The following DIXDC1 variants were observed in gnomAD, a reference collection of about 807,000 sequenced individuals.
The protein encoded by DIXDC1 is dixin.
In DIXDC1, 64 loss-of-function variants were observed where a neutral mutation model predicts 103.1. That is an observed-to-expected ratio of 0.62 (90% CI 0.51 to 0.76). The LOEUF (loss-of-function observed/expected upper bound fraction) is 0.76, where lower values mean the gene tolerates loss of function less well. Among genes scored for constraint, DIXDC1 ranks in the 30% least tolerant of loss-of-function variants. The pLI, the probability that DIXDC1 is intolerant of heterozygous loss-of-function variation, is 0.00. For missense variants in DIXDC1, 759 were observed against 834.2 expected, an observed-to-expected ratio of 0.91 and a Z score of 1.11; for synonymous variants, 266 against 298.5, an observed-to-expected ratio of 0.89 and a Z score of 1.12.
intron 14 of DIXDC1, among the ~76,000 whole-genome samples, chr11:111,994,610 ATATG>A (rs782777263): frequency 3.6e-4 from 53 of 148,674 alleles, no homozygotes; most frequent in Admixed American, 3.3e-4. Flanking sequence ...GTATGTATGT[ATATG>A]TATGTGTATA....
chr11:112,004,804 G>A (rs1861183379), intron 17 of DIXDC1, among the ~76,000 whole-genome samples: 1 of 152,246 alleles, frequency 6.6e-6, no homozygotes, highest in Middle Eastern at 3.4e-3. Context: ...GTGCACTGAA[G>A]GTAACCTTAA....
At chr11:112,013,324 GGGT>G (rs1308810953) in intron 17 of DIXDC1, among the ~76,000 whole-genome samples, 1 of 130,612 alleles carries the variant, frequency 7.7e-6, no homozygotes, top group African/African-American at 3.0e-5. Context: ...CGGGGGGTGG[GGGT>G]GGGGTGGGGG....
intron 17 of DIXDC1, among the ~76,000 whole-genome samples, chr11:112,014,021 G>T (rs1429115917): frequency 1.3e-5 from 2 of 152,024 alleles, no homozygotes; most frequent in Non-Finnish European, 2.9e-5. Flanking sequence ...GGAACTAATG[G>T]GTGAGTACTC....
intron 4 of DIXDC1, 104 bp downstream of exon 4, chr11:111,974,358 A>C (rs1860030565): frequency 8.7e-7 from 1 of 1,152,766 alleles, no homozygotes. Context: ...ACAGCCCCAG[A>C]TTGCAGAAAA....
intron 1 of DIXDC1, among the ~76,000 whole-genome samples, chr11:111,940,405 G>A (rs1555168699): frequency 6.6e-6 from 1 of 152,144 alleles, no homozygotes; most frequent in Admixed American, 6.5e-5. Flanking sequence ...GCTTGGCCAG[G>A]CTTCCTATAG....
intron 17 of DIXDC1, among the ~76,000 whole-genome samples, chr11:112,003,593 GT>G (rs1555176220): frequency 6.6e-6 from 1 of 152,086 alleles, no homozygotes; most frequent in Non-Finnish European, 1.5e-5. Flanking sequence ...GAGGTTAGGG[GT>G]TCAAGACCAG....
chr11:111,948,006 A>T (rs1409530461), intron 1 of DIXDC1, among the ~76,000 whole-genome samples: 2 of 152,152 alleles, frequency 1.3e-5, no homozygotes, highest in Admixed American at 1.3e-4. Flanking sequence ...TCAAAAATTT[A>T]AAAAAAGAGA....
In DIXDC1 at chr11:111,995,714, A is replaced by T. The variant is rs1592610881; in HGVS notation, c.1689+150A>T. ...TCTCTATTGTTTTTTCTCTCAGTGG[A>T]ACTGACTATTCATCATGGTATGACA... On this transcript the variant is annotated intron_variant, in intron 16 of 19. Coordinates refer to ENST00000440460, the MANE Select transcript of DIXDC1 (RefSeq NM_001037954.4). 9 of 1,003,202 alleles carry T rather than the reference A, an allele frequency of 9.0e-6. No individual in the cohort carries two copies. The East Asian group carries it at 1.9e-4, about 21-fold the overall frequency. The allele number at this position is 1,003,202 out of a possible 1,614,324, so 62.1% of individuals were successfully genotyped here.
chr11:111,932,464 T>C (rs943598038), upstream of DIXDC1, among the ~76,000 whole-genome samples: 2 of 151,712 alleles, frequency 1.3e-5, no homozygotes, highest in Non-Finnish European at 2.9e-5. Flanking sequence ...CGGACGCCTG[T>C]AGTCCCAGCT....
chr11:111,967,892 A>G (rs1859790009), intron 2 of DIXDC1, among the ~76,000 whole-genome samples: 1 of 152,192 alleles, frequency 6.6e-6, no homozygotes. Context: ...AGCCTTTCCT[A>G]GGACTTGACT....
chr11:111,964,640 G>A lies in DIXDC1; in HGVS notation c.152G>A (p.Arg51Gln), dbSNP rs782502774. 24 of 1,612,122 alleles carry A rather than the reference G, an allele frequency of 1.5e-5. No individual in the cohort carries two copies. Among genetic ancestry groups the A allele is most frequent in the Non-Finnish European group, 2.0e-5 (23 of 1,179,294 alleles). ...KPVQDLRQDL[R>Q]DGVILAYLIE... ...GTGCAGGACCTGCGACAAGATCTCC[G>A]GGATGGGGTGATCCTGGCATATCTC... is the stretch of plus-strand genomic sequence containing the variant. The change falls in exon 2 of 20, where the codon CGG (arginine) becomes CAG (glutamine). Residue 51 changes from arginine to glutamine, a missense_variant. Physicochemically the swap from Arg to Gln is conservative, Grantham distance 43 (BLOSUM62 1). This residue lies in a region of DIXDC1 where 97 missense variants were observed against 85.4 expected (regional missense o/e 1.14). Coordinates refer to ENST00000440460, the MANE Select transcript of DIXDC1 (RefSeq NM_001037954.4).
chr11:111,935,967 C>A (rs1196826131), upstream of DIXDC1, among the ~76,000 whole-genome samples: 1 of 152,116 alleles, frequency 6.6e-6, no homozygotes, highest in Non-Finnish European at 1.5e-5. Context: ...GACATTCAGA[C>A]AAGATATTGC....
At chr11:111,980,887 C>G (rs781839060) in intron 6 of DIXDC1, 38 bp downstream of exon 6, 1 of 1,563,232 alleles carries the variant, frequency 6.4e-7, no homozygotes, top group Non-Finnish European at 8.8e-7. Flanking sequence ...GTTCAAGGAA[C>G]AGTCAGCTTG....
intron 17 of DIXDC1, among the ~76,000 whole-genome samples, chr11:112,000,063 A>T (rs1251965218): frequency 2.0e-5 from 3 of 152,174 alleles, no homozygotes; most frequent in African/African-American, 4.8e-5. Flanking sequence ...TGAACCTGGG[A>T]GGTGGAGGTT....
At chr11:112,018,664 A>G (rs1861669656) in intron 19 of DIXDC1, among the ~76,000 whole-genome samples, 1 of 152,240 alleles carries the variant, frequency 6.6e-6, no homozygotes, top group African/African-American at 2.4e-5. Flanking sequence ...AATACTTAAC[A>G]CTACATCTTT....
chr11:111,970,567 C>T (rs1047208776), intron 3 of DIXDC1, among the ~76,000 whole-genome samples: 6 of 150,826 alleles, frequency 4.0e-5, no homozygotes, highest in African/African-American at 4.9e-5. Context: ...GAGGCTGAGA[C>T]AGGAGAATAG....
chr11:111,942,396 G>A (rs1195254437), intron 1 of DIXDC1, among the ~76,000 whole-genome samples: 1 of 152,196 alleles, frequency 6.6e-6, no homozygotes, highest in Non-Finnish European at 1.5e-5. Context: ...AGGACCAAAG[G>A]CTAAAACTGA....
chr11:112,009,795 T>G (rs1399364905), intron 17 of DIXDC1, among the ~76,000 whole-genome samples: 6 of 152,154 alleles, frequency 3.9e-5, no homozygotes, highest in Non-Finnish European at 7.4e-5. Context: ...AACTGGGTAT[T>G]GATGGAACGT....
intron 17 of DIXDC1, among the ~76,000 whole-genome samples, chr11:112,008,447 C>A (rs999166371): frequency 6.6e-6 from 1 of 152,150 alleles, no homozygotes; most frequent in Admixed American, 6.5e-5. Context: ...CAGCTCTGCA[C>A]CAAGCAGACC....
Sources: gnomAD v4.1 joint callset for allele counts (sites outside exome capture counted in the v4.1 genomes callset) on GRCh38, gnomAD v4.1.1 for gene constraint, gnomAD v4.1.1 regional missense constraint, MANE v1.5 for transcripts, NCBI Gene and HGNC (gene_info 2026-07-23, HGNC 2026-07-21) for gene names.